Variants in GRID2 observed in about 807,000 individuals in gnomAD.
GRID2 encodes glutamate receptor ionotropic, delta-2.
Under a neutral mutation model 114.8 loss-of-function variants are expected in GRID2, and 33 were observed. That is an observed-to-expected ratio of 0.29 (90% CI 0.22 to 0.38). The LOEUF is 0.38. Among genes scored for constraint, GRID2 ranks in the 10% least tolerant of loss-of-function variants. GRID2 has a pLI of 1.00. For missense variants in GRID2, 1,184 were observed against 1,257.7 expected (o/e 0.94, Z 0.89); for synonymous variants, 505 against 449.9 (o/e 1.12, Z -1.55).
At chr4:92,948,208 G>T (rs1227466038) in intron 2 of GRID2, among the ~76,000 whole-genome samples, 1 of 151,622 alleles carries the variant, frequency 6.6e-6, no homozygotes, top group East Asian at 1.9e-4. Context: ...TACCAATTTG[G>T]TAGGTAAAAT....
At chr4:92,869,164 A>G (rs545446941) in intron 2 of GRID2, among the ~76,000 whole-genome samples, 51 of 152,258 alleles carry the variant, frequency 3.3e-4, no homozygotes, top group African/African-American at 1.2e-3. Context: ...AAAACATTAG[A>G]TTACATCCCG....
intron 5 of GRID2, among the ~76,000 whole-genome samples, chr4:93,210,788 A>G (rs1743375017): frequency 6.6e-6 from 1 of 152,024 alleles, no homozygotes; most frequent in South Asian, 2.1e-4. Context: ...CTACTGCCTC[A>G]GTTATAATCT....
At chr4:92,600,032 G>GTATATATAAATATATA (rs1729133003) in intron 2 of GRID2, among the ~76,000 whole-genome samples, 3 of 73,022 alleles carry the variant, frequency 4.1e-5, no homozygotes, top group South Asian at 4.9e-4. Flanking sequence ...GTATGTGTGT[G>GTATATATAAATATATA]TGTGTGTGTG....
chr4:93,211,833 C>G, intron 5 of GRID2, among the ~76,000 whole-genome samples: 1 of 152,050 alleles, frequency 6.6e-6, no homozygotes, highest in Non-Finnish European at 1.5e-5. Context: ...TGTATTTTAA[C>G]CCATAAAAAA....
chr4:93,161,916 T>A (rs370566638), intron 4 of GRID2, among the ~76,000 whole-genome samples: 1 of 151,852 alleles, frequency 6.6e-6, no homozygotes, highest in East Asian at 1.9e-4. Context: ...TCTCATAAAA[T>A]CTGCTGGAAT....
chr4:92,670,253 T>C (rs1732992726), intron 2 of GRID2, among the ~76,000 whole-genome samples: 2 of 152,058 alleles, frequency 1.3e-5, no homozygotes, highest in African/African-American at 4.8e-5. Context: ...ATTTTACATT[T>C]ATTAAACGTT....
intron 2 of GRID2, 49 bp from the exon 3 acceptor site, chr4:93,084,946 A>G: frequency 6.7e-7 from 1 of 1,490,256 alleles, no homozygotes; most frequent in Non-Finnish European, 9.3e-7. Context: ...AAAAGGGAAA[A>G]CTATGTGAAA....
chr4:93,332,820 G>A (rs1453407646), intron 8 of GRID2, among the ~76,000 whole-genome samples: 1 of 151,956 alleles, frequency 6.6e-6, no homozygotes, highest in African/African-American at 2.4e-5. Context: ...AACTCCTAAT[G>A]AGACGCCTTT....
intron 4 of GRID2, among the ~76,000 whole-genome samples, chr4:93,147,387 TTGTA>T (rs1219042656): frequency 2.0e-5 from 3 of 152,166 alleles, no homozygotes; most frequent in African/African-American, 7.2e-5. Flanking sequence ...ACTTGACACT[TTGTA>T]TGAGAAAAAT....
chr4:92,828,261 A>C (rs748767935), intron 2 of GRID2, among the ~76,000 whole-genome samples: 3 of 152,098 alleles, frequency 2.0e-5, no homozygotes, highest in Non-Finnish European at 4.4e-5. Context: ...AAGTTTATTA[A>C]GTTAAATTTA....
intron 4 of GRID2, among the ~76,000 whole-genome samples, chr4:93,156,279 T>TTTATTCATTCA (rs1737178244): frequency 6.6e-6 from 1 of 151,830 alleles, no homozygotes; most frequent in Non-Finnish European, 1.5e-5. Context: ...TGAATACATA[T>TTTATTCATTCA]GAAAAATTAA....
chr4:92,704,393 G>C (rs2149303937), intron 2 of GRID2, among the ~76,000 whole-genome samples: 1 of 152,160 alleles, frequency 6.6e-6, no homozygotes, highest in South Asian at 2.1e-4. Context: ...GGGTTGTTTT[G>C]AGTTATTACC....
chr4:92,952,192 C>A (rs1752088619), intron 2 of GRID2, among the ~76,000 whole-genome samples: 1 of 152,174 alleles, frequency 6.6e-6, no homozygotes, highest in African/African-American at 2.4e-5. Context: ...TCTACATACT[C>A]ATTAAGTGCC....
intron 14 of GRID2, among the ~76,000 whole-genome samples, chr4:93,704,997 ACT>A (rs1007175944): frequency 9.9e-5 from 15 of 151,894 alleles, no homozygotes; most frequent in African/African-American, 3.4e-4. Flanking sequence ...TCACATGGTA[ACT>A]CTATTTTTAG....
intron 4 of GRID2, chr4:93,166,233 CTATT>C (rs1738236123): frequency 6.6e-6 from 1 of 152,144 alleles, no homozygotes; most frequent in African/African-American, 2.4e-5. Flanking sequence ...TAGTATCTAT[CTATT>C]AAAGTGTTTC....
chr4:92,693,649 C>A (rs1340523929), intron 2 of GRID2, among the ~76,000 whole-genome samples: 1 of 152,140 alleles, frequency 6.6e-6, no homozygotes, highest in Non-Finnish European at 1.5e-5. Flanking sequence ...ACTGAAGTTA[C>A]AAATTGAGTG....
intron 1 of GRID2, among the ~76,000 whole-genome samples, chr4:92,475,150 T>A (rs911461037): frequency 3.1e-4 from 43 of 138,656 alleles, no homozygotes; most frequent in African/African-American, 1.0e-3. Context: ...ATAATAATAA[T>A]AATAAAAAGC....
intron 1 of GRID2, among the ~76,000 whole-genome samples, chr4:93,781,203 G>C (rs1034136366): frequency 6.6e-6 from 1 of 152,162 alleles, no homozygotes; most frequent in Non-Finnish European, 1.5e-5. Flanking sequence ...CTTTCATTGG[G>C]AGCATGAATG....
rs182239217 is a variant in GRID2, at chr4:92,714,693, C to T, written c.244+124407C>T. 5.5e-3 allele frequency among the ~76,000 whole-genome samples: 833 copies of T among 152,322 alleles called. 8 individuals are homozygous for T. Among genetic ancestry groups the T allele is most frequent in the African/African-American group, 0.019 (801 of 41,580 alleles). ...CAATGCCACATGGAGGCTGCCAAGG[C>T]TTGGGGCTTGCACCCTCTAAAGCCA... On this transcript the variant is annotated intron_variant, in intron 2 of 15. Coordinates refer to ENST00000282020, the MANE Select transcript of GRID2 (RefSeq NM_001510.4).
Sources: allele counts gnomAD v4.1 joint callset (sites outside exome capture counted in the v4.1 genomes callset), GRCh38; gene constraint gnomAD v4.1.1; transcripts MANE v1.5; gene names NCBI Gene and HGNC (gene_info 2026-07-23, HGNC 2026-07-21).